Variants in MIPOL1 observed in about 807,000 individuals in gnomAD.
MIPOL1 encodes mirror-image polydactyly gene 1 protein.
Under a neutral mutation model 60.9 loss-of-function variants are expected in MIPOL1, and 57 were observed. That is an observed-to-expected ratio of 0.94 (90% CI 0.76 to 1.17). MIPOL1 has a LOEUF of 1.17. Among genes scored for constraint, MIPOL1 ranks in the 50% most tolerant of loss-of-function variants. The pLI is 0.00. For synonymous variants in MIPOL1, 179 were observed against 168.8 expected, an observed-to-expected ratio of 1.06 and a Z score of -0.47; for missense variants, 551 against 511.6, an observed-to-expected ratio of 1.08 and a Z score of -0.74.
At chr14:37,330,426 T>C (rs1048155090) in intron 9 of MIPOL1, among the ~76,000 whole-genome samples, 2 of 152,170 alleles carry the variant, frequency 1.3e-5, no homozygotes, top group African/African-American at 4.8e-5. Flanking sequence ...AACATAGTGT[T>C]CTTAAATTTT....
rs114059384 is a variant in MIPOL1 at position 37,226,818 on chromosome 14, A to G, written c.-198-20285A>G. On this transcript the variant is annotated intron_variant, in intron 1 of 12. Coordinates refer to ENST00000684589, the MANE Select transcript of MIPOL1 (RefSeq NM_001388067.1). ...GATCCTATTTCAAAAAAAAAGGGAA[A>G]GTGTTTTACCTTTCAGCTAACATGC... Among the ~76,000 whole-genome samples, 523 of 152,236 alleles carry G rather than the reference A, an allele frequency of 3.4e-3. 3 individuals carry two copies. Among genetic ancestry groups the G allele is most frequent in the African/African-American group, 0.012 (513 of 41,526 alleles).
At chr14:37,294,924 T>A (rs1332470008) in intron 7 of MIPOL1, among the ~76,000 whole-genome samples, 1 of 152,046 alleles carries the variant, frequency 6.6e-6, no homozygotes, top group Non-Finnish European at 1.5e-5. Context: ...GCAAGGCAGG[T>A]CACTATTCAA....
chr14:37,210,617 T>C (rs1177819520), intron 1 of MIPOL1, among the ~76,000 whole-genome samples: 1 of 152,060 alleles, frequency 6.6e-6, no homozygotes. Flanking sequence ...GAATGAGTTT[T>C]GCTGACACGT....
At chr14:37,388,648 A>G (rs187668659) in intron 10 of MIPOL1, among the ~76,000 whole-genome samples, 5 of 151,660 alleles carry the variant, frequency 3.3e-5, no homozygotes, top group African/African-American at 1.2e-4. Context: ...CTGCCTCCCA[A>G]CCTCTATCCC....
At chr14:37,437,962 G>T (rs962208486) in intron 11 of MIPOL1, among the ~76,000 whole-genome samples, 11 of 151,868 alleles carry the variant, frequency 7.2e-5, no homozygotes, top group African/African-American at 2.7e-4. Flanking sequence ...AATATTTTGT[G>T]AACACAATAT....
intron 10 of MIPOL1, chr14:37,401,737 A>G (rs959391098): frequency 2.0e-5 from 3 of 152,156 alleles, no homozygotes; most frequent in African/African-American, 7.2e-5. Context: ...ATTAAAACAG[A>G]TATCCAAAGA....
chr14:37,496,614 A>C (rs1302349662), intron 11 of MIPOL1, among the ~76,000 whole-genome samples: 1 of 149,954 alleles, frequency 6.7e-6, no homozygotes, highest in Non-Finnish European at 1.5e-5. Context: ...GGACCTCTTC[A>C]AGGAGAACTA....
In MIPOL1 at chr14:37,428,446, C is replaced by T. The variant is rs139967521; in HGVS notation, c.1031+5497C>T. ...TCTCTACAAAAAATACAAAATTTAG[C>T]AAGGCATGGCGTGTGCCTGTAATCC... On this transcript the variant is annotated intron_variant, in intron 11 of 12. Coordinates refer to ENST00000684589, the MANE Select transcript of MIPOL1 (RefSeq NM_001388067.1). Among the ~76,000 whole-genome samples the T allele has an allele frequency of 3.1e-4, 47 of 152,134 alleles. 1 individual carries two copies. Among genetic ancestry groups the T allele is most frequent in the African/African-American group, 1.1e-3 (46 of 41,504 alleles).
chr14:37,435,733 A>G (rs2094152892), intron 11 of MIPOL1, among the ~76,000 whole-genome samples: 1 of 152,162 alleles, frequency 6.6e-6, no homozygotes, highest in Non-Finnish European at 1.5e-5. Context: ...GGGACATTTT[A>G]ACTTTCATTT....
chr14:37,309,688 ATT>A (rs745631533), intron 9 of MIPOL1, among the ~76,000 whole-genome samples: 14 of 132,758 alleles, frequency 1.1e-4, no homozygotes, highest in Admixed American at 1.5e-4. Context: ...TGACTCCAGC[ATT>A]TTTTTTTTTT....
At chr14:37,203,334 T>G (rs1965601440) in intron 1 of MIPOL1, among the ~76,000 whole-genome samples, 1 of 152,188 alleles carries the variant, frequency 6.6e-6, no homozygotes, top group African/African-American at 2.4e-5. Context: ...ATGAAGTATC[T>G]CTAATCTCTG....
At chr14:37,294,522 G>T (rs1325885260) in intron 7 of MIPOL1, among the ~76,000 whole-genome samples, 1 of 152,142 alleles carries the variant, frequency 6.6e-6, no homozygotes, top group African/African-American at 2.4e-5. Flanking sequence ...GCTAAAGGAG[G>T]AAGTTTGAAC....
intron 11 of MIPOL1, among the ~76,000 whole-genome samples, chr14:37,461,255 A>G (rs1269821187): frequency 6.6e-6 from 1 of 152,216 alleles, no homozygotes; most frequent in Non-Finnish European, 1.5e-5. Context: ...AGGCCTCACA[A>G]TCATGGCAGA....
chr14:37,356,549 A>T (rs190283694), intron 9 of MIPOL1, among the ~76,000 whole-genome samples: 205 of 152,282 alleles, frequency 1.3e-3, no homozygotes, highest in African/African-American at 4.5e-3. Context: ...CTGTGCTAGC[A>T]ATCAGCGAGA....
At chr14:37,366,432 T>C (rs1355355284) in intron 9 of MIPOL1, among the ~76,000 whole-genome samples, 1 of 152,092 alleles carries the variant, frequency 6.6e-6, no homozygotes, top group Non-Finnish European at 1.5e-5. Flanking sequence ...AGCATATTGT[T>C]TAATTTTGGT....
intron 11 of MIPOL1, among the ~76,000 whole-genome samples, chr14:37,476,346 G>T (rs1200694478): frequency 6.6e-6 from 1 of 151,970 alleles, no homozygotes; most frequent in African/African-American, 2.4e-5. Flanking sequence ...AATTTCATGG[G>T]ATTTTCTACA....
intron 11 of MIPOL1, among the ~76,000 whole-genome samples, chr14:37,483,969 C>T (rs963680100): frequency 6.6e-6 from 1 of 152,186 alleles, no homozygotes; most frequent in Non-Finnish European, 1.5e-5. Flanking sequence ...GTCTGCATTT[C>T]CATGTTCATT....
In MIPOL1 at chr14:37,410,893, A is replaced by AT. The variant is rs1376878380; in HGVS notation, c.937-11955dup. 6.6e-5 allele frequency among the ~76,000 whole-genome samples: 10 copies of AT among 152,182 alleles called. No individual in the cohort carries two copies. In the East Asian group the frequency reaches 1.5e-3, roughly 24 times the overall value. On this transcript the variant is annotated intron_variant, in intron 10 of 12. Coordinates refer to ENST00000684589, the MANE Select transcript of MIPOL1 (RefSeq NM_001388067.1). ...AATGAATCAATTCAAAAGTTAGCATATTTTTTTATTTTAAAAATATAACAT... is the reference window on the plus strand; with the variant it reads ...AATGAATCAATTCAAAAGTTAGCATATTTTTTTTATTTTAAAAATATAACAT...
At chr14:37,363,519 G>T (rs952397951) in intron 9 of MIPOL1, among the ~76,000 whole-genome samples, 2 of 152,142 alleles carry the variant, frequency 1.3e-5, no homozygotes, top group Non-Finnish European at 2.9e-5. Context: ...TCCCAGAGGG[G>T]CATCCACCTG....
Sources: gnomAD v4.1 joint callset for allele counts (sites outside exome capture counted in the v4.1 genomes callset) on GRCh38, gnomAD v4.1.1 for gene constraint, MANE v1.5 for transcripts, NCBI Gene and HGNC (gene_info 2026-07-23, HGNC 2026-07-21) for gene names.